PGM1: variants seen among roughly 807,000 people sequenced by gnomAD.
PGM1 encodes phosphoglucomutase 1, also known as phosphoglucomutase-1.
A neutral mutation model predicts 55.6 loss-of-function variants in PGM1; 52 were observed. The observed-to-expected ratio is 0.94, with a 90% CI of 0.75 to 1.18. The LOEUF (loss-of-function observed/expected upper bound fraction) is 1.18. Among genes scored for constraint, PGM1 ranks in the 50% most tolerant of loss-of-function variants. The pLI is 0.00. For synonymous variants in PGM1, 287 were observed against 271.7 expected, an observed-to-expected ratio of 1.06 and a Z score of -0.55; for missense variants, 724 against 729.3, an observed-to-expected ratio of 0.99 and a Z score of 0.08.
chr1:63,639,596 G>A (rs1344786963), intron 7 of PGM1, among the ~76,000 whole-genome samples: 2 of 151,994 alleles, frequency 1.3e-5, no homozygotes, highest in Non-Finnish European at 2.9e-5. Context: ...AGGTTATAAG[G>A]TAGTTAAGTG....
At chr1:63,631,951 T>C (rs1649208605) in intron 4 of PGM1, among the ~76,000 whole-genome samples, 169 bp downstream of exon 4, 1 of 152,212 alleles carries the variant, frequency 6.6e-6, no homozygotes, top group Non-Finnish European at 1.5e-5. Flanking sequence ...TCTAATTGTA[T>C]GTAGCAAAAA....
At chr1:63,630,649 G>A (rs371787260) in intron 3 of PGM1, among the ~76,000 whole-genome samples, 10 of 152,104 alleles carry the variant, frequency 6.6e-5, no homozygotes, top group Admixed American at 6.5e-4. Context: ...ATTTTGGGGG[G>A]ACCAAATTGC....
intron 1 of PGM1, among the ~76,000 whole-genome samples, chr1:63,627,878 T>C (rs1649079039): frequency 6.6e-6 from 1 of 152,184 alleles, no homozygotes; most frequent in Non-Finnish European, 1.5e-5. Context: ...TGGAAACTGC[T>C]GGAAGGTGAA....
chr1:63,594,115 C>T (rs1647963266), intron 1 of PGM1: 1 of 1,009,866 alleles, frequency 9.9e-7, no homozygotes, highest in Non-Finnish European at 1.2e-6. Flanking sequence ...ACGATTACGG[C>T]GCAGAGTGCT....
chr1:63,604,212 G>A (rs1012964483), intron 1 of PGM1, among the ~76,000 whole-genome samples: 25 of 152,160 alleles, frequency 1.6e-4, no homozygotes, highest in African/African-American at 4.3e-4. Flanking sequence ...GAATTTTTAC[G>A]ATTTTATAGG....
rs1226347232 is a variant in PGM1, at chr1:63,636,318, A to G, written c.958A>G (p.Ile320Val). 6.2e-7 allele frequency: 1 copy of G among 1,614,024 alleles called. No homozygotes were observed. Among genetic ancestry groups the G allele is most frequent in the East Asian group, 2.2e-5 (1 of 44,874 alleles). The stretch of plus-strand genomic sequence containing the variant: ...TGTCATTGCTGCCAACATCTTCAGC[A>G]TTCCGTATTTCCAGCAGACTGGGGT... ...VAVIAANIFS[I>V]PYFQQTGVRG... Residue 320 changes from isoleucine to valine, a missense_variant, in exon 6 of 11, where the codon ATT (isoleucine) becomes GTT (valine). This residue lies in a region of PGM1 where 29 missense variants were observed against 58.7 expected (regional missense o/e 0.49). Transcript: ENST00000371084.
rs768177396 is a variant in PGM1 at position 63,623,600 on chromosome 1, T to C, written c.247-5825T>C. ...GGATTACGGAAGAAAACCTATTATT[T>C]TGAGGAAAAGCCATGCTATCTGGAG... On this transcript the variant is annotated intron_variant, in intron 1 of 10. Transcript: ENST00000371084. The C allele has an allele frequency of 2.5e-6, 4 of 1,612,700 alleles. No homozygotes were observed. The African/African-American group carries it at 4.0e-5, about 16-fold the overall frequency.
At position 63,593,717 on chromosome 1, in the gene PGM1, A is replaced by C; in HGVS notation, c.229A>C (p.Ile77Leu). The C allele has an allele frequency of 6.3e-7, 1 of 1,598,568 alleles. No individual in the cohort carries two copies. The highest frequency in any genetic ancestry group is 8.5e-7 in the Non-Finnish European group (1 of 1,175,454). ...MKEAIQLIAR[I>L]AAANGIGRLV... ...GGAGGCCATCCAGCTCATCGCTCGC[A>C]TCGCTGCCGCCAACGGGGTAAGGGA... Residue 77 changes from isoleucine (I) to leucine (L), a missense_variant, in exon 1 of 11, where the codon ATC becomes CTC. Physicochemically the swap from Ile to Leu is conservative, Grantham distance 5 (BLOSUM62 2). This residue lies in a region of PGM1 where 379 missense variants were observed against 357.5 expected (regional missense o/e 1.06). Transcript: ENST00000371084.
At chr1:63,646,415 C>T (rs999246218) in intron 7 of PGM1, among the ~76,000 whole-genome samples, 7 of 152,130 alleles carry the variant, frequency 4.6e-5, no homozygotes, top group Non-Finnish European at 7.4e-5. Flanking sequence ...CACATCCTCC[C>T]GAGAAGCCCA....
At chr1:63,625,510 T>C (rs1226544786) in intron 1 of PGM1, among the ~76,000 whole-genome samples, 2 of 152,232 alleles carry the variant, frequency 1.3e-5, no homozygotes, top group East Asian at 3.8e-4. Flanking sequence ...ATTTCTTCTC[T>C]TTCTAACATA....
At chr1:63,624,065 C>G (rs1648958975) in intron 1 of PGM1, among the ~76,000 whole-genome samples, 1 of 152,200 alleles carries the variant, frequency 6.6e-6, no homozygotes, top group South Asian at 2.1e-4. Context: ...GCTGTTTTAT[C>G]TACATTCTAA....
In PGM1 at chr1:63,601,180, T is replaced by G. The variant is rs548484707; in HGVS notation, c.246+7446T>G. Among the ~76,000 whole-genome samples, 7 of 152,300 alleles carry G rather than the reference T, an allele frequency of 4.6e-5. No homozygotes were observed. The South Asian group carries it at 8.3e-4, about 18-fold the overall frequency. On this transcript the variant is annotated intron_variant, in intron 1 of 10. Coordinates refer to ENST00000371084, the MANE Select transcript of PGM1 (RefSeq NM_002633.3). ...CTGGAAACCACGACTTTAGGAGAGA[T>G]AAATCAGCCCTTAAGAGACTAGATA...
At chr1:63,635,749 T>C (rs1190979398) in intron 5 of PGM1, among the ~76,000 whole-genome samples, 1 of 152,258 alleles carries the variant, frequency 6.6e-6, no homozygotes, top group African/African-American at 2.4e-5. Flanking sequence ...TATTCTGTAG[T>C]ACATCTTTGT....
At chr1:63,639,959 G>A (rs981517319) in intron 7 of PGM1, among the ~76,000 whole-genome samples, 1 of 152,194 alleles carries the variant, frequency 6.6e-6, no homozygotes, top group Non-Finnish European at 1.5e-5. Flanking sequence ...GATGAGTCTT[G>A]GGGTTGAACA....
intron 9 of PGM1, 110 bp from the exon 10 acceptor site, chr1:63,654,222 T>TC (rs1570518008): frequency 8.2e-6 from 9 of 1,099,504 alleles, no homozygotes; most frequent in Non-Finnish European, 1.4e-6. Context: ...GATTTAACCC[T>TC]CCAATGAACA....
intron 1 of PGM1, among the ~76,000 whole-genome samples, chr1:63,602,596 A>G (rs559483140): frequency 7.9e-5 from 8 of 100,960 alleles, no homozygotes; most frequent in East Asian, 6.3e-4. Context: ...TTGTACTCCA[A>G]TGTGCTCACA....
At chr1:63,601,952 A>AT (rs1648255719) in intron 1 of PGM1, among the ~76,000 whole-genome samples, 1 of 152,198 alleles carries the variant, frequency 6.6e-6, no homozygotes, top group Non-Finnish European at 1.5e-5. Flanking sequence ...TTGGAAAATT[A>AT]TGTTTTCATA....
intron 6 of PGM1, among the ~76,000 whole-genome samples, 154 bp from the exon 7 acceptor site, chr1:63,638,531 C>G (rs372011756): frequency 5.4e-4 from 82 of 152,308 alleles, no homozygotes; most frequent in African/African-American, 1.9e-3. Context: ...CACAAGGTTT[C>G]TCTTATGATT....
At chr1:63,610,737 A>G (rs1648542288) in intron 1 of PGM1, among the ~76,000 whole-genome samples, 1 of 152,238 alleles carries the variant, frequency 6.6e-6, no homozygotes, top group East Asian at 1.9e-4. Context: ...GAACAGAAAT[A>G]TCTTTCTTAC....
Sources: gnomAD v4.1 joint callset for allele counts (sites outside exome capture counted in the v4.1 genomes callset) on GRCh38, gnomAD v4.1.1 for gene constraint, gnomAD v4.1.1 regional missense constraint, MANE v1.5 for transcripts, NCBI Gene and HGNC (gene_info 2026-07-23, HGNC 2026-07-21) for gene names.